Variants in ROBO2 observed in about 807,000 individuals in gnomAD.
ROBO2 encodes the protein roundabout guidance receptor 2.
A neutral mutation model predicts 160.8 loss-of-function variants in ROBO2; 53 were observed. The observed-to-expected ratio is 0.33, with a 90% CI of 0.26 to 0.41. The LOEUF is 0.41. Among genes scored for constraint, ROBO2 ranks in the 10% least tolerant of loss-of-function variants. The pLI is 1.00. For synonymous variants in ROBO2, 664 were observed against 611.7 expected (o/e 1.09, Z -1.26); for missense variants, 1,577 against 1,722.4 (o/e 0.92, Z 1.49).
chr3:77,361,305 T>A (rs1057117410), intron 2 of ROBO2, among the ~76,000 whole-genome samples: 1 of 152,212 alleles, frequency 6.6e-6, no homozygotes, highest in Non-Finnish European at 1.5e-5. Flanking sequence ...TACAAAAAAG[T>A]ATTTGTTATT....
At chr3:76,618,449 A>AT (rs1377976137) in intron 2 of ROBO2, among the ~76,000 whole-genome samples, 18 of 150,292 alleles carry the variant, frequency 1.2e-4, no homozygotes. Flanking sequence ...ATATATATAT[A>AT]AATATATATA....
chr3:76,759,285 C>T (rs775229398), intron 2 of ROBO2, among the ~76,000 whole-genome samples: 5 of 151,812 alleles, frequency 3.3e-5, no homozygotes, highest in South Asian at 2.1e-4. Context: ...TCACTAAAAT[C>T]GAATCAATTA....
At chr3:75,952,252 A>C (rs1948568687) in intron 2 of ROBO2, among the ~76,000 whole-genome samples, 1 of 151,962 alleles carries the variant, frequency 6.6e-6, no homozygotes, top group African/African-American at 2.4e-5. Flanking sequence ...AAATGGACTG[A>C]TTCTAAAGAG....
intron 2 of ROBO2, among the ~76,000 whole-genome samples, chr3:76,353,853 C>CT (rs1390341482): frequency 6.6e-6 from 1 of 151,906 alleles, no homozygotes; most frequent in Non-Finnish European, 1.5e-5. Flanking sequence ...GAGACAGAGA[C>CT]TTTCTTTGCA....
Position 77,563,051 on chromosome 3 carries a change from G to A in ROBO2, c.1520-116G>A, listed in dbSNP as rs2093375101. 9.0e-6 allele frequency: 8 copies of A among 891,656 alleles called. No individual in the cohort carries two copies. In the East Asian group the frequency reaches 1.8e-4, roughly 20 times the overall value. The allele number at this position is 891,656 out of a possible 1,614,324, so 55.2% of individuals were successfully genotyped here. A position where few individuals can be genotyped will look rare whatever the true frequency, so the allele number is the denominator to read the frequency against. On this transcript the variant is annotated intron_variant, in intron 10 of 25. Transcript: ENST00000461745. ...ATTCACTTACATACTTCTGATTCAT[G>A]GAGATGAATTTCTCACTGTCTAGGT...
intron 1 of ROBO2, among the ~76,000 whole-genome samples, chr3:77,080,556 C>G (rs1054908051): frequency 2.0e-5 from 3 of 152,096 alleles, no homozygotes; most frequent in Non-Finnish European, 4.4e-5. Context: ...CCCTAATCTC[C>G]CTCTCCATTT....
intron 1 of ROBO2, among the ~76,000 whole-genome samples, chr3:77,075,524 G>A (rs1232390575): frequency 1.3e-5 from 2 of 151,900 alleles, no homozygotes; most frequent in African/African-American, 4.8e-5. Flanking sequence ...TTTACTGTAT[G>A]TTTCCTTTAC....
chr3:77,331,159 C>T (rs1159180358), intron 2 of ROBO2, among the ~76,000 whole-genome samples: 2 of 152,096 alleles, frequency 1.3e-5, no homozygotes, highest in Non-Finnish European at 2.9e-5. Context: ...ATATTAAGCC[C>T]GTTAATACGG....
intron 24 of ROBO2, among the ~76,000 whole-genome samples, chr3:77,640,054 T>C (rs1228767357): frequency 6.7e-6 from 1 of 150,142 alleles, no homozygotes; most frequent in Non-Finnish European, 1.5e-5. Flanking sequence ...ACTTGTAGAA[T>C]GTAACTGTGA....
chr3:76,495,595 T>C (rs2080104806), intron 2 of ROBO2, among the ~76,000 whole-genome samples: 1 of 152,026 alleles, frequency 6.6e-6, no homozygotes, highest in African/African-American at 2.4e-5. Context: ...TTTTCTAGTT[T>C]TTTTTTTAGA....
At chr3:76,033,139 T>C (rs1456758493) in intron 2 of ROBO2, among the ~76,000 whole-genome samples, 1 of 152,162 alleles carries the variant, frequency 6.6e-6, no homozygotes, top group Non-Finnish European at 1.5e-5. Context: ...TTGTTGTTTT[T>C]TCTTTGTTTC....
intron 2 of ROBO2, among the ~76,000 whole-genome samples, chr3:77,331,097 C>A (rs988991222): frequency 6.6e-6 from 1 of 152,172 alleles, no homozygotes; most frequent in African/African-American, 2.4e-5. Flanking sequence ...CATACACATT[C>A]TCCAATCTAG....
intron 2 of ROBO2, among the ~76,000 whole-genome samples, chr3:76,352,269 C>G (rs1453313204): frequency 2.0e-5 from 3 of 151,970 alleles, no homozygotes; most frequent in African/African-American, 4.8e-5. Flanking sequence ...TGGGAAAAAA[C>G]TACTTCCTCA....
chr3:77,184,959 TTGA>T, intron 2 of ROBO2, among the ~76,000 whole-genome samples: 1 of 152,192 alleles, frequency 6.6e-6, no homozygotes, highest in Non-Finnish European at 1.5e-5. Flanking sequence ...ACAGAACTTC[TTGA>T]TGAATTCGTT....
chr3:76,461,460 A>G (rs778133342), intron 2 of ROBO2, among the ~76,000 whole-genome samples: 6 of 152,204 alleles, frequency 3.9e-5, no homozygotes, highest in Admixed American at 6.5e-5. Context: ...ATGAAAATAT[A>G]GAGAAAATTA....
At chr3:77,007,943 A>C (rs991588915) in intron 2 of ROBO2, among the ~76,000 whole-genome samples, 11 of 152,060 alleles carry the variant, frequency 7.2e-5, no homozygotes, top group Non-Finnish European at 1.5e-4. Flanking sequence ...ATGAATTTCA[A>C]CACTGCATAA....
chr3:76,530,490 T>A (rs1334971237), intron 2 of ROBO2, among the ~76,000 whole-genome samples: 3 of 152,162 alleles, frequency 2.0e-5, no homozygotes, highest in African/African-American at 7.2e-5. Flanking sequence ...GATGACAACA[T>A]CCTATATCAT....
intron 2 of ROBO2, among the ~76,000 whole-genome samples, chr3:76,769,075 C>T (rs1481136120): frequency 1.3e-5 from 2 of 151,376 alleles, no homozygotes; most frequent in Non-Finnish European, 3.0e-5. Context: ...TATGATTTTT[C>T]ATCCTTGGCC....
At chr3:77,058,056 TG>T (rs750811331) in intron 1 of ROBO2, among the ~76,000 whole-genome samples, 2 of 152,160 alleles carry the variant, frequency 1.3e-5, no homozygotes, top group African/African-American at 2.4e-5. Flanking sequence ...GTGTATGTGT[TG>T]TTTTTTTCAT....
Sources: gnomAD v4.1 joint callset for allele counts (sites outside exome capture counted in the v4.1 genomes callset) on GRCh38, gnomAD v4.1.1 for gene constraint, MANE v1.5 for transcripts, NCBI Gene and HGNC (gene_info 2026-07-23, HGNC 2026-07-21) for gene names.